RUNX1: variants seen among roughly 807,000 people sequenced by gnomAD.
RUNX1 encodes runt-related transcription factor 1.
Under a neutral mutation model 42.8 loss-of-function variants are expected in RUNX1, and 19 were observed. The ratio of observed to expected loss-of-function variants is 0.44; its 90% CI spans 0.31 to 0.65. The LOEUF is 0.65. Among genes scored for constraint, RUNX1 ranks in the 30% least tolerant of loss-of-function variants. RUNX1 has a pLI of 0.07. For synonymous variants in RUNX1, 271 were observed against 289.4 expected, an observed-to-expected ratio of 0.94 and a Z score of 0.64; for missense variants, 528 against 672.0, an observed-to-expected ratio of 0.79 and a Z score of 2.37.
Position 34,878,356 on chromosome 21 carries a change from A to T in RUNX1, c.508+2201T>A, listed in dbSNP as rs1365347268. 2.5e-3 allele frequency among the ~76,000 whole-genome samples: 373 copies of T among 148,028 alleles called. 4 individuals carry two copies. Among genetic ancestry groups the T allele is most frequent in the African/African-American group, 8.3e-3 (331 of 39,730 alleles). ...TTGTAGCGCTGACTAAAAAAAAAAA[A>T]AAAAATATATATATATATATACACA... On this transcript the variant is annotated intron_variant, in intron 5 of 8. Coordinates refer to ENST00000675419, the MANE Select transcript of RUNX1 (RefSeq NM_001754.5).
At chr21:34,883,954 T>C (rs1279968299) in intron 4 of RUNX1, among the ~76,000 whole-genome samples, 1 of 152,224 alleles carries the variant, frequency 6.6e-6, no homozygotes, top group Non-Finnish European at 1.5e-5. Flanking sequence ...TTATTTCCTT[T>C]TTATGAAAAG....
intron 2 of RUNX1, among the ~76,000 whole-genome samples, chr21:35,017,770 C>A (rs1309983093): frequency 6.6e-6 from 1 of 152,080 alleles, no homozygotes; most frequent in Admixed American, 6.6e-5. Context: ...TTTATCATAG[C>A]CGTCTTCAGG....
At chr21:34,821,406 A>G (rs982999559) in intron 7 of RUNX1, 2 of 1,307,744 alleles carry the variant, frequency 1.5e-6, no homozygotes, top group Non-Finnish European at 2.0e-6. Flanking sequence ...AATGCTTCCC[A>G]TGTGCTGTGC....
intron 4 of RUNX1, among the ~76,000 whole-genome samples, 175 bp from the exon 5 acceptor site, chr21:34,880,888 A>G (rs2057894984): frequency 6.6e-6 from 1 of 152,248 alleles, no homozygotes; most frequent in African/African-American, 2.4e-5. Flanking sequence ...TAAAGAGAAG[A>G]CACTTTTTTA....
At chr21:34,868,141 G>C (rs1267744052) in intron 5 of RUNX1, among the ~76,000 whole-genome samples, 2 of 152,192 alleles carry the variant, frequency 1.3e-5, no homozygotes, top group African/African-American at 2.4e-5. Flanking sequence ...TGGAGGTAGA[G>C]AGGGAAGAGA....
chr21:34,857,100 GACTTTCT>G (rs1414491978), intron 6 of RUNX1, among the ~76,000 whole-genome samples: 1 of 152,184 alleles, frequency 6.6e-6, no homozygotes, highest in Non-Finnish European at 1.5e-5. Context: ...TAAAATGTGA[GACTTTCT>G]ACCTGGGGCT....
At chr21:34,964,059 C>G (rs2058700510) in intron 2 of RUNX1, among the ~76,000 whole-genome samples, 1 of 152,214 alleles carries the variant, frequency 6.6e-6, no homozygotes, top group African/African-American at 2.4e-5. Flanking sequence ...GAGGAAGTAT[C>G]AGCCACTGCG....
At chr21:35,006,502 G>A (rs116901003) in intron 2 of RUNX1, among the ~76,000 whole-genome samples, 117 of 152,264 alleles carry the variant, frequency 7.7e-4, no homozygotes, top group Non-Finnish European at 1.2e-3. Context: ...GCCTGGGAAC[G>A]AGCCTCAGGC....
intron 2 of RUNX1, among the ~76,000 whole-genome samples, chr21:34,960,910 A>G (rs2058677328): frequency 6.6e-6 from 1 of 152,184 alleles, no homozygotes; most frequent in South Asian, 2.1e-4. Flanking sequence ...AGCTGCCTGC[A>G]AAGGTCCCCT....
chr21:34,924,781 A>C (rs1308675260), intron 2 of RUNX1, among the ~76,000 whole-genome samples: 1 of 152,204 alleles, frequency 6.6e-6, no homozygotes, highest in South Asian at 2.1e-4. Flanking sequence ...CTTAAACTAC[A>C]AACATTTATT....
intron 2 of RUNX1, among the ~76,000 whole-genome samples, chr21:34,969,686 T>TA (rs111235452): frequency 1.4e-3 from 176 of 127,688 alleles, no homozygotes; most frequent in African/African-American, 2.5e-3. Flanking sequence ...GTGCAATGCA[T>TA]AAAAAAAAAA....
chr21:34,859,523 G>A lies in RUNX1; in HGVS notation c.564C>T (p.Thr188=), dbSNP rs781348463. The A allele has an allele frequency of 6.2e-7, 1 of 1,614,222 alleles. No homozygotes were observed. Residue 188 remains threonine, a synonymous_variant, in exon 6 of 9, where the codon ACC becomes ACT. Transcript: ENST00000675419. ...TVFTNPPQVA[T]YHRAIKITVD... is the part of the protein sequence containing the mutation. ...CTGTGATTTTGATGGCTCTGTGGTA[G>A]GTGGCGACTTGCGGTGGGTTTGTGA...
At chr21:34,814,556 C>T (rs532997702) in intron 7 of RUNX1, among the ~76,000 whole-genome samples, 1 of 152,302 alleles carries the variant, frequency 6.6e-6, no homozygotes, top group African/African-American at 2.4e-5. Context: ...TTCACAGGCT[C>T]GCTCTCCTCC....
rs952004083 is a variant in RUNX1 at position 35,025,653 on chromosome 21, C to T, written c.58+23189G>A. Among the ~76,000 whole-genome samples, 4 of 152,196 alleles carry T rather than the reference C, an allele frequency of 2.6e-5. No individual in the cohort carries two copies. In the South Asian group the frequency reaches 8.3e-4, roughly 32 times the overall value. ...AATATACGGGTCTCTATATTTAGGTCAAGGGGCCTTCAGCAGGAGAACATG... is the reference window on the plus strand; with the variant it reads ...AATATACGGGTCTCTATATTTAGGTTAAGGGGCCTTCAGCAGGAGAACATG... On this transcript the variant is annotated intron_variant, in intron 2 of 8. Coordinates refer to ENST00000675419, the MANE Select transcript of RUNX1 (RefSeq NM_001754.5).
chr21:34,793,023 G>A (rs1285730044), intron 8 of RUNX1, among the ~76,000 whole-genome samples: 3 of 151,910 alleles, frequency 2.0e-5, no homozygotes, highest in Admixed American at 6.5e-5. Context: ...CTAGGAGGAC[G>A]GGGGACACCC....
At chr21:34,949,948 T>C (rs766072590) in intron 2 of RUNX1, among the ~76,000 whole-genome samples, 7 of 152,202 alleles carry the variant, frequency 4.6e-5, no homozygotes, top group Non-Finnish European at 1.0e-4. Context: ...CTTTGACATC[T>C]TGTGCTGAGA....
At chr21:34,996,016 A>G (rs2058992620) in intron 2 of RUNX1, among the ~76,000 whole-genome samples, 1 of 152,170 alleles carries the variant, frequency 6.6e-6, no homozygotes, top group African/African-American at 2.4e-5. Flanking sequence ...CAGAATTTTG[A>G]ACATTGAGAA....
At chr21:34,962,652 C>T (rs538649725) in intron 2 of RUNX1, among the ~76,000 whole-genome samples, 4 of 152,352 alleles carry the variant, frequency 2.6e-5, no homozygotes, top group South Asian at 2.1e-4. Context: ...CAAAAGATCT[C>T]GGCTATACAG....
chr21:34,930,239 T>TATACATGTATATATATTATATATACATG (rs1299650215), intron 2 of RUNX1, among the ~76,000 whole-genome samples: 5,749 of 130,414 alleles, frequency 0.044, 180 homozygotes, highest in Admixed American at 0.079. Flanking sequence ...TATATACATA[T>TATACATGTATATATATTATATATACATG]TATATATGTA....
Sources: gnomAD v4.1 joint callset for allele counts (sites outside exome capture counted in the v4.1 genomes callset) on GRCh38, gnomAD v4.1.1 for gene constraint, MANE v1.5 for transcripts, NCBI Gene and HGNC (gene_info 2026-07-23, HGNC 2026-07-21) for gene names.